Variants in LRRC8C observed in about 807,000 individuals in gnomAD.
LRRC8C encodes the protein leucine rich repeat containing 8 VRAC subunit C.
LRRC8C carries 20 observed loss-of-function variants against 55.3 expected under a neutral mutation model. That is an observed-to-expected ratio of 0.36 (90% CI 0.25 to 0.53). The LOEUF is 0.53. LRRC8C is among the 20% of genes least tolerant of loss of function. The pLI is 0.92. For synonymous variants in LRRC8C, 376 were observed against 360.7 expected, an observed-to-expected ratio of 1.04 and a Z score of -0.48; for missense variants, 659 against 951.4, an observed-to-expected ratio of 0.69 and a Z score of 4.04.
At chr1:89,645,150 T>C (rs779117681) in intron 1 of LRRC8C, among the ~76,000 whole-genome samples, 1 of 152,158 alleles carries the variant, frequency 6.6e-6, no homozygotes, top group Non-Finnish European at 1.5e-5. Context: ...AAAGAAAATA[T>C]AGTCATAATG....
In LRRC8C at chr1:89,714,723, T is replaced by TG; in HGVS notation, c.2155dup (p.Glu719GlyfsTer6). 1 of 1,614,160 alleles carries TG rather than the reference T, an allele frequency of 6.2e-7. No individual in the cohort carries two copies. Among genetic ancestry groups the TG allele is most frequent in the South Asian group, 1.1e-5 (1 of 91,068 alleles). ...TATTTTTCCATCACATGTAACAAAG[T>TG]GGAAAGCCTTCCAGATGAACTCTAC... On this transcript the variant is annotated frameshift_variant, in exon 3 of 3. Coordinates refer to ENST00000370454, the MANE Select transcript of LRRC8C (RefSeq NM_032270.5). LOFTEE classifies it high-confidence loss of function. The surrounding 1 kb of genome is among the most constrained non-coding windows in gnomAD (Gnocchi z 4.6).
At chr1:89,654,195 G>A (rs1656873040) in intron 1 of LRRC8C, among the ~76,000 whole-genome samples, 1 of 152,110 alleles carries the variant, frequency 6.6e-6, no homozygotes, top group Non-Finnish European at 1.5e-5. Context: ...TGTTTTCATT[G>A]AGAAGTAGGA....
intron 2 of LRRC8C, chr1:89,706,479 T>C (rs1310254402): frequency 1.4e-5 from 5 of 369,860 alleles, no homozygotes; most frequent in South Asian, 4.0e-5. Flanking sequence ...TTAATGATTC[T>C]AACAAAGGAC....
intron 1 of LRRC8C, among the ~76,000 whole-genome samples, chr1:89,658,116 C>T (rs965228614): frequency 1.3e-5 from 2 of 152,132 alleles, no homozygotes; most frequent in African/African-American, 2.4e-5. Context: ...ACAGCAGTTT[C>T]CCTTGATGTT....
At chr1:89,675,562 G>A in intron 1 of LRRC8C, among the ~76,000 whole-genome samples, 1 of 152,194 alleles carries the variant, frequency 6.6e-6, no homozygotes, top group East Asian at 1.9e-4. Flanking sequence ...GTCTCTTTCT[G>A]TACATTGAAG....
chr1:89,663,185 G>C (rs1364501359), intron 1 of LRRC8C, among the ~76,000 whole-genome samples: 1 of 152,182 alleles, frequency 6.6e-6, no homozygotes, highest in Non-Finnish European at 1.5e-5. Context: ...GTATTCCATG[G>C]TGTATATGTG....
the LRRC8C span, among the ~76,000 whole-genome samples, chr1:89,622,666 A>G: frequency 1.9e-4 from 29 of 152,264 alleles, no homozygotes; most frequent in South Asian, 5.8e-3. Context: ...TGCCTGACGT[A>G]GAGTAAATCC....
At chr1:89,624,413 T>C in the LRRC8C span, among the ~76,000 whole-genome samples, 2 of 152,344 alleles carry the variant, frequency 1.3e-5, no homozygotes, top group East Asian at 3.9e-4. Context: ...GCTCAGAATA[T>C]GTGCGTGTTC....
upstream of LRRC8C, chr1:89,632,722 T>C (rs972153508): frequency 6.6e-6 from 1 of 152,244 alleles, no homozygotes; most frequent in Non-Finnish European, 1.5e-5. Flanking sequence ...TTTCCGCGCA[T>C]TGTGAGGGAT....
chr1:89,646,110 GAATAA>G (rs1656607445), intron 1 of LRRC8C, among the ~76,000 whole-genome samples: 1 of 151,916 alleles, frequency 6.6e-6, no homozygotes, highest in Non-Finnish European at 1.5e-5. Context: ...TTTAAGAACA[GAATAA>G]ATGAAATCGA....
At chr1:89,689,795 G>A (rs1316880849) in intron 2 of LRRC8C, among the ~76,000 whole-genome samples, 2 of 152,106 alleles carry the variant, frequency 1.3e-5, no homozygotes, top group African/African-American at 2.4e-5. Context: ...ACAAAAATTA[G>A]CCGGGCATGT....
At chr1:89,640,757 T>C (rs752100930) in intron 1 of LRRC8C, among the ~76,000 whole-genome samples, 3 of 152,204 alleles carry the variant, frequency 2.0e-5, no homozygotes, top group African/African-American at 4.8e-5. Context: ...CTGAGTTGGG[T>C]GTTTTAGAAT....
the LRRC8C span, among the ~76,000 whole-genome samples, chr1:89,619,958 T>A: frequency 6.6e-6 from 1 of 152,224 alleles, no homozygotes; most frequent in East Asian, 1.9e-4. Flanking sequence ...GTAAGAGTGA[T>A]GATTAATGAC....
At chr1:89,657,796 T>C (rs1388812703) in intron 1 of LRRC8C, among the ~76,000 whole-genome samples, 2 of 150,628 alleles carry the variant, frequency 1.3e-5, no homozygotes, top group Admixed American at 6.6e-5. Context: ...TAAGAATTTC[T>C]GAAAAATTTT....
chr1:89,632,958 G>C (rs1392902923), upstream of LRRC8C: 1 of 152,344 alleles, frequency 6.6e-6, no homozygotes, highest in African/African-American at 2.4e-5. Context: ...CGTCACAGCG[G>C]GGCTGGCACC....
At chr1:89,682,460 C>CAGTG (rs1657742752) in intron 1 of LRRC8C, among the ~76,000 whole-genome samples, 1 of 152,188 alleles carries the variant, frequency 6.6e-6, no homozygotes, top group Admixed American at 6.5e-5. Context: ...GATAAAGGAA[C>CAGTG]AGTGACCCTC....
At chr1:89,688,074 G>A (rs749373189) in intron 2 of LRRC8C, among the ~76,000 whole-genome samples, 1 of 152,218 alleles carries the variant, frequency 6.6e-6, no homozygotes, top group African/African-American at 2.4e-5. Flanking sequence ...AGAGGTTAAC[G>A]ATCCTCCCAA....
At chr1:89,640,230 A>G (rs1338060471) in intron 1 of LRRC8C, among the ~76,000 whole-genome samples, 1 of 152,176 alleles carries the variant, frequency 6.6e-6, no homozygotes, top group Non-Finnish European at 1.5e-5. Context: ...GCACCCAGCC[A>G]ATTTTTGTAT....
intron 1 of LRRC8C, among the ~76,000 whole-genome samples, chr1:89,667,723 A>G (rs962176822): frequency 1.3e-5 from 2 of 152,138 alleles, no homozygotes; most frequent in Admixed American, 1.3e-4. Context: ...AAAACTTTAA[A>G]GTGGTTTGCT....
Sources: allele counts gnomAD v4.1 joint callset (sites outside exome capture counted in the v4.1 genomes callset), GRCh38; gene constraint gnomAD v4.1.1; non-coding constraint Gnocchi (gnomAD v3.1); transcripts MANE v1.5; gene names NCBI Gene and HGNC (gene_info 2026-07-23, HGNC 2026-07-21).